MAPK4: variants seen among roughly 807,000 people sequenced by gnomAD.
The protein encoded by MAPK4 is mitogen-activated protein kinase 4.
A neutral mutation model predicts 47.7 loss-of-function variants in MAPK4; 22 were observed. The observed-to-expected ratio is 0.46, with a 90% CI of 0.33 to 0.66. The LOEUF is 0.66. Among genes scored for constraint, MAPK4 ranks in the 30% least tolerant of loss-of-function variants. MAPK4 has a pLI of 0.02. For missense variants in MAPK4, 736 were observed against 831.7 expected (o/e 0.88, Z 1.42); for synonymous variants, 390 against 365.7 (o/e 1.07, Z -0.76).
At chr18:50,583,750 T>A (rs576484507) in intron 1 of MAPK4, among the ~76,000 whole-genome samples, 24 of 152,298 alleles carry the variant, frequency 1.6e-4, no homozygotes, top group Admixed American at 4.6e-4. Context: ...TGGGGACCCG[T>A]TCCTGTCTGC....
intron 1 of MAPK4, among the ~76,000 whole-genome samples, chr18:50,570,472 C>G (rs987363338): frequency 4.6e-5 from 7 of 152,190 alleles, no homozygotes; most frequent in African/African-American, 1.4e-4. Context: ...TTTTCTCTTT[C>G]AGCAGCTTTT....
chr18:50,593,012 TTTATCCCTA>T (rs1486235610), intron 1 of MAPK4, among the ~76,000 whole-genome samples: 1 of 152,212 alleles, frequency 6.6e-6, no homozygotes, highest in Non-Finnish European at 1.5e-5. Context: ...CCACACTAAT[TTTATCCCTA>T]TTTTACAGAT....
intron 1 of MAPK4, among the ~76,000 whole-genome samples, chr18:50,639,918 C>T (rs990776608): frequency 1.3e-5 from 2 of 152,192 alleles, no homozygotes; most frequent in Non-Finnish European, 2.9e-5. Context: ...TAATAATTGT[C>T]TCTATTAGCA....
intron 2 of MAPK4, among the ~76,000 whole-genome samples, chr18:50,710,308 C>G (rs1280284763): frequency 6.6e-6 from 1 of 151,964 alleles, no homozygotes; most frequent in Non-Finnish European, 1.5e-5. Flanking sequence ...CGTGGCAAAA[C>G]TCTGTCTCTA....
At chr18:50,574,383 A>T (rs2042276845) in intron 1 of MAPK4, among the ~76,000 whole-genome samples, 1 of 152,216 alleles carries the variant, frequency 6.6e-6, no homozygotes, top group South Asian at 2.1e-4. Flanking sequence ...ATTGTTCACA[A>T]GAGAATTAGA....
At position 50,711,108 on chromosome 18, in the gene MAPK4, C is replaced by T. The variant is rs544528485; in HGVS notation, c.547-3971C>T. The stretch of plus-strand genomic sequence containing the variant: ...GGCAGGCAGCTGGGATCGAGGGCTG[C>T]TTCCCTGCTCCCTCTGCAAAGAGAA... On this transcript the variant is annotated intron_variant, in intron 2 of 5. Transcript: ENST00000400384. 3.0e-3 allele frequency among the ~76,000 whole-genome samples: 463 copies of T among 152,350 alleles called. 1 individual carries two copies. Among genetic ancestry groups the T allele is most frequent in the African/African-American group, 9.5e-3 (397 of 41,586 alleles).
intron 1 of MAPK4, among the ~76,000 whole-genome samples, chr18:50,594,919 T>G (rs941769932): frequency 2.6e-5 from 4 of 152,164 alleles, no homozygotes; most frequent in African/African-American, 9.7e-5. Context: ...GCAAAAGACT[T>G]GAAAAGACAT....
chr18:50,601,738 G>A (rs1281282653), intron 1 of MAPK4, among the ~76,000 whole-genome samples: 1 of 152,174 alleles, frequency 6.6e-6, no homozygotes, highest in Non-Finnish European at 1.5e-5. Flanking sequence ...GAGACTCTGT[G>A]TGTGATGTCC....
At chr18:50,625,963 A>C (rs2042774603) in intron 1 of MAPK4, among the ~76,000 whole-genome samples, 1 of 151,932 alleles carries the variant, frequency 6.6e-6, no homozygotes, top group Admixed American at 6.6e-5. Context: ...ACTCAGCTCA[A>C]GTGATTATGG....
intron 1 of MAPK4, among the ~76,000 whole-genome samples, chr18:50,578,407 G>A (rs1429478953): frequency 6.6e-6 from 1 of 152,228 alleles, no homozygotes; most frequent in Non-Finnish European, 1.5e-5. Flanking sequence ...AGTAGGTATA[G>A]GATAGGGTCC....
intron 2 of MAPK4, among the ~76,000 whole-genome samples, chr18:50,713,937 G>T (rs184228359): frequency 6.6e-6 from 1 of 152,260 alleles, no homozygotes; most frequent in Admixed American, 6.5e-5. Context: ...TGCCACAGAG[G>T]GGAGGAAACT....
At chr18:50,606,405 T>C (rs1004737997) in intron 1 of MAPK4, among the ~76,000 whole-genome samples, 1 of 152,114 alleles carries the variant, frequency 6.6e-6, no homozygotes, top group African/African-American at 2.4e-5. Context: ...AAGTAGTGCT[T>C]GAGTGAGATT....
At chr18:50,573,859 A>G (rs1350426702) in intron 1 of MAPK4, among the ~76,000 whole-genome samples, 2 of 152,140 alleles carry the variant, frequency 1.3e-5, no homozygotes, top group Non-Finnish European at 2.9e-5. Context: ...TCTTATACCA[A>G]TGTCTTCTTT....
chr18:50,657,172 G>T (rs1412966127), intron 1 of MAPK4, among the ~76,000 whole-genome samples: 1 of 152,208 alleles, frequency 6.6e-6, no homozygotes, highest in African/African-American at 2.4e-5. Flanking sequence ...GGACTCCCCA[G>T]CAGGCTTTCC....
chr18:50,717,441 A>G (rs767606649), intron 3 of MAPK4, among the ~76,000 whole-genome samples: 1 of 151,360 alleles, frequency 6.6e-6, no homozygotes, highest in East Asian at 1.9e-4. Flanking sequence ...CTGCATTGGT[A>G]GGCCTAGGCT....
In MAPK4 at chr18:50,625,245, GC is replaced by G. The variant is rs568879539; in HGVS notation, c.-870-37843del. ...GCTGGTCCTGGAAAATGCAGGGTCT[GC>G]ATCAGGGATGGATGGCCTCCATCAC... On this transcript the variant is annotated intron_variant, in intron 1 of 5. Coordinates refer to ENST00000400384, the MANE Select transcript of MAPK4 (RefSeq NM_002747.4). Among the ~76,000 whole-genome samples the G allele has an allele frequency of 5.9e-5, 9 of 152,320 alleles. No individual in the cohort carries two copies. The East Asian group carries it at 1.5e-3, about 26-fold the overall frequency.
At chr18:50,662,356 C>A (rs2144246967) in intron 1 of MAPK4, among the ~76,000 whole-genome samples, 1 of 152,278 alleles carries the variant, frequency 6.6e-6, no homozygotes, top group South Asian at 2.1e-4. Context: ...TCAACAGCCA[C>A]CAGAGGGCAG....
At chr18:50,652,832 G>A (rs2043065121) in intron 1 of MAPK4, among the ~76,000 whole-genome samples, 1 of 152,154 alleles carries the variant, frequency 6.6e-6, no homozygotes, top group African/African-American at 2.4e-5. Context: ...GAAGGGAAAG[G>A]AGACATCAGG....
At chr18:50,643,478 G>A (rs992511371) in intron 1 of MAPK4, among the ~76,000 whole-genome samples, 4 of 152,360 alleles carry the variant, frequency 2.6e-5, no homozygotes, top group African/African-American at 4.8e-5. Flanking sequence ...AGTCGAGGTC[G>A]CGCCACTGCG....
Sources: allele counts gnomAD v4.1 joint callset (sites outside exome capture counted in the v4.1 genomes callset), GRCh38; gene constraint gnomAD v4.1.1; transcripts MANE v1.5; gene names NCBI Gene and HGNC (gene_info 2026-07-23, HGNC 2026-07-21).